The following TMCO1 variants were observed in gnomAD, a reference collection of about 807,000 sequenced individuals.
TMCO1 encodes calcium load-activated calcium channel.
Under a neutral mutation model 29.3 loss-of-function variants are expected in TMCO1, and 29 were observed. The ratio of observed to expected loss-of-function variants is 0.99; its 90% CI spans 0.74 to 1.35. The LOEUF (loss-of-function observed/expected upper bound fraction) is 1.35, where lower values mean the gene tolerates loss of function less well. Ranked by LOEUF, TMCO1 falls within the 40% of genes most tolerant of loss-of-function variation. The probability of loss-of-function intolerance (pLI) is 0.00; values close to 1 mark genes in which losing one functional copy is unlikely to be tolerated. For missense variants in TMCO1, 173 were observed against 225.5 expected, an observed-to-expected ratio of 0.77 and a Z score of 1.49; for synonymous variants, 80 against 77.1, an observed-to-expected ratio of 1.04 and a Z score of -0.20.
chr1:165,727,287 T>C lies in TMCO1; in HGVS notation c.*736A>G, dbSNP rs1271876974. The C allele has an allele frequency of 8.9e-6, 4 of 447,266 alleles. 1 individual carries two copies. Among genetic ancestry groups the C allele is most frequent in the South Asian group, 4.9e-5 (3 of 61,776 alleles). 27.7% of individuals were successfully genotyped at this position (447,266 alleles called of 1,614,324 possible). ...GAGGACCCTCATTTTTATTTATTTA[T>C]TTATATTTAATTTTTTTTCAGACAT... On this transcript the variant is annotated 3_prime_UTR_variant, in exon 7 of 7. Transcript: ENST00000367881.
chr1:165,749,765 TA>T (rs2101804436), intron 5 of TMCO1, among the ~76,000 whole-genome samples: 1 of 152,176 alleles, frequency 6.6e-6, no homozygotes, highest in African/African-American at 2.4e-5. Flanking sequence ...GTAACAGCTT[TA>T]ACAACAAAAA....
rs73020504 is a variant in TMCO1, at chr1:165,727,398, A to G, written c.*625T>C. 5.6e-3 allele frequency: 2,552 copies of G among 454,072 alleles called. 59 individuals carry two copies. The highest frequency in any genetic ancestry group is 0.047 in the African/African-American group (2,357 of 50,100). 28.1% of individuals were successfully genotyped at this position (454,072 alleles called of 1,614,324 possible). On this transcript the variant is annotated 3_prime_UTR_variant, in exon 7 of 7. Coordinates refer to ENST00000367881, the MANE Select transcript of TMCO1 (RefSeq NM_019026.6). Reference sequence around the variant, plus strand: ...CTCTTGCTTTCCAATTCCTACACCAAGACAACTCTGTATTTTGAGTATATG... The same window carrying G: ...CTCTTGCTTTCCAATTCCTACACCAGGACAACTCTGTATTTTGAGTATATG...
chr1:165,729,672 C>T (rs1651065916), intron 6 of TMCO1, among the ~76,000 whole-genome samples: 1 of 152,092 alleles, frequency 6.6e-6, no homozygotes, highest in South Asian at 2.1e-4. Context: ...ATTATTCTTG[C>T]CCAGTTCCTT....
At chr1:165,757,918 A>G (rs1558040822) in intron 3 of TMCO1, among the ~76,000 whole-genome samples, 4 of 152,344 alleles carry the variant, frequency 2.6e-5, no homozygotes, top group Middle Eastern at 3.4e-3. Flanking sequence ...TTAAGGACAG[A>G]GGATAATCTG....
At chr1:165,748,222 G>T (rs1049338449) in intron 5 of TMCO1, among the ~76,000 whole-genome samples, 11 of 152,030 alleles carry the variant, frequency 7.2e-5, no homozygotes, top group Non-Finnish European at 1.5e-4. Context: ...CCCAACATGG[G>T]TTACTATTTA....
chr1:165,742,464 T>C (rs1277795983), intron 6 of TMCO1, among the ~76,000 whole-genome samples: 2 of 152,200 alleles, frequency 1.3e-5, no homozygotes, highest in Non-Finnish European at 2.9e-5. Flanking sequence ...AATCTCACAA[T>C]GTTGCCTAGG....
chr1:165,740,503 C>T (rs1036803943), intron 6 of TMCO1, among the ~76,000 whole-genome samples: 3 of 152,088 alleles, frequency 2.0e-5, no homozygotes, highest in Admixed American at 6.6e-5. Context: ...CCGCGCCTGG[C>T]CCATCATATT....
At chr1:165,752,251 CATTTTTTT>C in intron 4 of TMCO1, 82 bp from the exon 5 acceptor site, 30 of 672,524 alleles carry the variant, frequency 4.5e-5, no homozygotes, top group East Asian at 7.5e-5. Flanking sequence ...GGTTTCATGT[CATTTTTTT>C]TTTTTTTTTT....
chr1:165,768,585 CAAGT>C, intron 1 of TMCO1, 93 bp downstream of exon 1: 1 of 1,600,720 alleles, frequency 6.2e-7, no homozygotes, highest in East Asian at 2.2e-5. Context: ...GCCTCTCAAG[CAAGT>C]AAGGCTCGCG....
At chr1:165,738,671 T>C (rs368551977) in intron 6 of TMCO1, among the ~76,000 whole-genome samples, 1 of 152,198 alleles carries the variant, frequency 6.6e-6, no homozygotes, top group Admixed American at 6.5e-5. Flanking sequence ...GAGTAATAGG[T>C]AGAGAAACAA....
At position 165,727,264 on chromosome 1, in the gene TMCO1, G is replaced by A. The variant is rs74121417; in HGVS notation, c.*759C>T. The A allele has an allele frequency of 5.7e-3, 2,537 of 447,122 alleles. 61 individuals carry two copies. Among genetic ancestry groups the A allele is most frequent in the African/African-American group, 0.047 (2,348 of 49,724 alleles). 27.7% of individuals were successfully genotyped at this position (447,122 alleles called of 1,614,324 possible). ...AATAGGATATGAAGAGAACAGCTGA[G>A]GACCCTCATTTTTATTTATTTATTT... On this transcript the variant is annotated 3_prime_UTR_variant, in exon 7 of 7. Transcript: ENST00000367881.
At chr1:165,729,103 TAAAAAAAAAAAAA>T (rs553390393) in intron 6 of TMCO1, among the ~76,000 whole-genome samples, 3 of 76,374 alleles carry the variant, frequency 3.9e-5, no homozygotes, top group South Asian at 5.2e-4. Context: ...AGATTCTGTC[TAAAAAAAAAAAAA>T]AAAAAAAAAA....
chr1:165,729,790 C>A (rs73020514), intron 6 of TMCO1, among the ~76,000 whole-genome samples: 1 of 152,108 alleles, frequency 6.6e-6, no homozygotes, highest in African/African-American at 2.4e-5. Flanking sequence ...TGTTGTGTTT[C>A]GACCCTTAAT....
At chr1:165,738,593 T>C (rs552873417) in intron 6 of TMCO1, among the ~76,000 whole-genome samples, 2 of 152,220 alleles carry the variant, frequency 1.3e-5, no homozygotes, top group Non-Finnish European at 2.9e-5. Flanking sequence ...ACACTTCAAA[T>C]GCTGTTAAGG....
At chr1:165,750,882 C>T (rs553986437) in intron 5 of TMCO1, among the ~76,000 whole-genome samples, 2 of 152,148 alleles carry the variant, frequency 1.3e-5, no homozygotes, top group Admixed American at 6.5e-5. Flanking sequence ...CCAGCCTGGC[C>T]AACATGGTGA....
chr1:165,730,076 C>A (rs931405721), intron 6 of TMCO1, among the ~76,000 whole-genome samples: 8 of 150,666 alleles, frequency 5.3e-5, no homozygotes, highest in African/African-American at 2.0e-4. Context: ...AATCCCAGCA[C>A]TTTGGGAGGC....
At chr1:165,760,981 A>G (rs1339176138) in intron 2 of TMCO1, among the ~76,000 whole-genome samples, 1 of 152,198 alleles carries the variant, frequency 6.6e-6, no homozygotes, top group Non-Finnish European at 1.5e-5. Context: ...TATAGGTACC[A>G]TTTCTAAAAC....
At chr1:165,758,446 C>T (rs987068653) in intron 3 of TMCO1, among the ~76,000 whole-genome samples, 1 of 151,932 alleles carries the variant, frequency 6.6e-6, no homozygotes, top group Non-Finnish European at 1.5e-5. Context: ...GTCCCACCTA[C>T]TCGTGAGGCT....
At chr1:165,767,698 T>C (rs1472126482) in intron 2 of TMCO1, among the ~76,000 whole-genome samples, 1 of 152,200 alleles carries the variant, frequency 6.6e-6, no homozygotes, top group African/African-American at 2.4e-5. Context: ...TCTTTTTTTT[T>C]TAAAGACAAG....
Sources: allele counts gnomAD v4.1 joint callset (sites outside exome capture counted in the v4.1 genomes callset), GRCh38; gene constraint gnomAD v4.1.1; transcripts MANE v1.5; gene names NCBI Gene and HGNC (gene_info 2026-07-23, HGNC 2026-07-21).